Variants in SMYD3 observed in about 807,000 individuals in gnomAD.
SMYD3 encodes the protein histone-lysine N-methyltransferase SMYD3.
A neutral mutation model predicts 57.7 loss-of-function variants in SMYD3; 36 were observed. The observed-to-expected ratio is 0.62, with a 90% CI of 0.48 to 0.82. SMYD3 has a LOEUF of 0.82. Ranked by LOEUF, SMYD3 falls within the 40% of genes least tolerant of loss-of-function variation. The pLI is 0.00. For missense variants in SMYD3, 515 were observed against 538.8 expected (o/e 0.96, Z 0.44); for synonymous variants, 211 against 195.0 (o/e 1.08, Z -0.68).
At chr1:246,378,295 G>A (rs1316531373) in intron 1 of SMYD3, among the ~76,000 whole-genome samples, 2 of 152,112 alleles carry the variant, frequency 1.3e-5, no homozygotes. Flanking sequence ...AACTTGATTG[G>A]ATTGAAGGAT....
At chr1:246,360,791 A>T (rs2065975316) in intron 1 of SMYD3, among the ~76,000 whole-genome samples, 1 of 152,234 alleles carries the variant, frequency 6.6e-6, no homozygotes, top group Non-Finnish European at 1.5e-5. Flanking sequence ...CTTACACAAA[A>T]ATCAACTCAA....
At chr1:245,882,546 G>A (rs889326626) in intron 8 of SMYD3, among the ~76,000 whole-genome samples, 46 of 152,122 alleles carry the variant, frequency 3.0e-4, no homozygotes, top group African/African-American at 1.0e-3. Flanking sequence ...AAAAGTGAAT[G>A]AAGTTTGAGA....
At chr1:246,002,163 C>T (rs1001567289) in intron 5 of SMYD3, among the ~76,000 whole-genome samples, 2 of 152,018 alleles carry the variant, frequency 1.3e-5, no homozygotes, top group African/African-American at 4.8e-5. Flanking sequence ...TCCGGTCTGA[C>T]GGGCAAGATG....
intron 1 of SMYD3, among the ~76,000 whole-genome samples, chr1:246,434,486 A>T (rs138593199): frequency 5.3e-5 from 8 of 152,360 alleles, no homozygotes; most frequent in Non-Finnish European, 1.0e-4. Context: ...AAAATGGGCA[A>T]ATATATGAAT....
At chr1:246,309,807 A>G (rs1472766548) in intron 5 of SMYD3, among the ~76,000 whole-genome samples, 1 of 152,222 alleles carries the variant, frequency 6.6e-6, no homozygotes, top group African/African-American at 2.4e-5. Flanking sequence ...TAGAAATATA[A>G]GTTCAAATAG....
At chr1:246,213,548 GC>G (rs1282200594) in intron 5 of SMYD3, among the ~76,000 whole-genome samples, 1 of 152,134 alleles carries the variant, frequency 6.6e-6, no homozygotes, top group Non-Finnish European at 1.5e-5. Flanking sequence ...CTCAGGCCCT[GC>G]ACACCCAAGT....
chr1:246,321,299 G>A (rs906925485), intron 5 of SMYD3, among the ~76,000 whole-genome samples: 2 of 152,102 alleles, frequency 1.3e-5, no homozygotes, highest in African/African-American at 2.4e-5. Context: ...AAAGCTGAGA[G>A]GTGGGAGCAA....
chr1:246,145,426 T>G (rs924297582), intron 5 of SMYD3, among the ~76,000 whole-genome samples: 1 of 152,244 alleles, frequency 6.6e-6, no homozygotes, highest in Non-Finnish European at 1.5e-5. Context: ...TAGATAATTT[T>G]GTGCAAGTGC....
intron 10 of SMYD3, among the ~76,000 whole-genome samples, chr1:245,834,184 T>C (rs1166048518): frequency 1.3e-5 from 2 of 152,010 alleles, no homozygotes; most frequent in South Asian, 2.1e-4. Context: ...AGCTTCCTCA[T>C]AAAGGAATGC....
Position 246,095,499 on chromosome 1 carries a change from G to T in SMYD3, c.532-165562C>A, listed in dbSNP as rs377518348. 1.7e-3 allele frequency among the ~76,000 whole-genome samples: 260 copies of T among 152,312 alleles called. 6 individuals are homozygous for T. The South Asian group carries it at 0.038, about 22-fold the overall frequency. ...AGCACAGATTAGGAAGACAAATCAT[G>T]TCTAAAGGATTCAAAGAAGACTGCA... On this transcript the variant is annotated intron_variant, in intron 5 of 11. Coordinates refer to ENST00000490107, the MANE Select transcript of SMYD3 (RefSeq NM_001167740.2).
At chr1:246,356,538 C>T (rs1337016766) in intron 1 of SMYD3, among the ~76,000 whole-genome samples, 1 of 151,940 alleles carries the variant, frequency 6.6e-6, no homozygotes, top group African/African-American at 2.4e-5. Context: ...TTAAAGAAAT[C>T]GAAAACCTGA....
At position 245,812,468 on chromosome 1, in the gene SMYD3, G is replaced by A. The variant is rs560739320; in HGVS notation, c.1076+46028C>T. ...ACCGTCAGGAAGACATTGGTCCTGT[G>A]CTCTACGAGAGGGTGTGCCCAACCA... On this transcript the variant is annotated intron_variant, in intron 10 of 11. Coordinates refer to ENST00000490107, the MANE Select transcript of SMYD3 (RefSeq NM_001167740.2). Among the ~76,000 whole-genome samples the A allele has an allele frequency of 2.6e-5, 4 of 152,240 alleles. No individual in the cohort carries two copies. The South Asian group carries it at 8.3e-4, about 32-fold the overall frequency.
chr1:246,377,233 A>G (rs1310355405), intron 1 of SMYD3, among the ~76,000 whole-genome samples: 1 of 152,114 alleles, frequency 6.6e-6, no homozygotes, highest in Non-Finnish European at 1.5e-5. Flanking sequence ...TACTTTTTTG[A>G]TAATCCTTTT....
intron 5 of SMYD3, among the ~76,000 whole-genome samples, chr1:246,274,421 C>A (rs1042053665): frequency 1.3e-5 from 2 of 152,204 alleles, no homozygotes; most frequent in African/African-American, 4.8e-5. Flanking sequence ...GATGTCAGCA[C>A]ACTGACATTC....
chr1:245,788,708 T>C (rs186442745), intron 10 of SMYD3, among the ~76,000 whole-genome samples: 6 of 152,276 alleles, frequency 3.9e-5, no homozygotes, highest in Non-Finnish European at 1.5e-5. Flanking sequence ...GAGGTCTGCT[T>C]CCTAGTTCCA....
intron 10 of SMYD3, among the ~76,000 whole-genome samples, chr1:245,766,847 C>T (rs747759199): frequency 1.1e-4 from 16 of 152,122 alleles, no homozygotes; most frequent in Non-Finnish European, 1.6e-4. Context: ...GTACCTGCCC[C>T]GGTAGCTCAG....
intron 1 of SMYD3, among the ~76,000 whole-genome samples, chr1:246,443,627 G>A (rs960143258): frequency 2.0e-5 from 3 of 152,216 alleles, no homozygotes; most frequent in Non-Finnish European, 2.9e-5. Flanking sequence ...AGGGAAGATG[G>A]GCACAGGAAC....
At chr1:246,238,024 T>C (rs1397431190) in intron 5 of SMYD3, among the ~76,000 whole-genome samples, 1 of 151,780 alleles carries the variant, frequency 6.6e-6, no homozygotes, top group African/African-American at 2.4e-5. Context: ...TTCTAAAGAG[T>C]ATCTTCTGTT....
At chr1:245,785,758 C>G (rs1046062790) in intron 10 of SMYD3, among the ~76,000 whole-genome samples, 13 of 152,292 alleles carry the variant, frequency 8.5e-5, no homozygotes, top group African/African-American at 3.1e-4. Flanking sequence ...CAGTGTAGTG[C>G]TGTGACTATA....
Sources: allele counts gnomAD v4.1 joint callset (sites outside exome capture counted in the v4.1 genomes callset), GRCh38; gene constraint gnomAD v4.1.1; transcripts MANE v1.5; gene names NCBI Gene and HGNC (gene_info 2026-07-23, HGNC 2026-07-21).